Variants in N4BP2L2 observed in about 807,000 individuals in gnomAD.
The protein encoded by N4BP2L2 is NEDD4-binding protein 2-like 2.
Under a neutral mutation model 56.2 loss-of-function variants are expected in N4BP2L2, and 50 were observed. The observed-to-expected ratio is 0.89, with a 90% CI of 0.71 to 1.13. The LOEUF is 1.13. Ranked by LOEUF, N4BP2L2 falls within the 50% of genes most tolerant of loss-of-function variation. The pLI is 0.00. For missense variants in N4BP2L2, 689 were observed against 693.8 expected, an observed-to-expected ratio of 0.99 and a Z score of 0.08; for synonymous variants, 203 against 223.6, an observed-to-expected ratio of 0.91 and a Z score of 0.82.
exon 7 of N4BP2L2, chr13:32,443,835 G>T: frequency 6.3e-7 from 1 of 1,583,756 alleles, no homozygotes; most frequent in Non-Finnish European, 8.6e-7. Context: ...TTTGGAAACT[G>T]TCTTTAGGAT....
At chr13:32,525,414 TGTAACAGC>T (rs1485671926) in intron 3 of N4BP2L2, 1 of 152,226 alleles carries the variant, frequency 6.6e-6, no homozygotes, top group Non-Finnish European at 1.5e-5. Context: ...AACTATAAAT[TGTAACAGC>T]GTGAAAACTT....
At chr13:32,432,528 G>A (rs914536903) in exon 10 of N4BP2L2, 1 of 152,122 alleles carries the variant, frequency 6.6e-6, no homozygotes, top group Non-Finnish European at 1.5e-5. Context: ...CTTAAAAGTG[G>A]TTAAGATGGT....
At chr13:32,536,786 G>A (rs761044155) in exon 2 of N4BP2L2, 5 of 1,614,076 alleles carry the variant, frequency 3.1e-6, no homozygotes, top group South Asian at 1.1e-5. Flanking sequence ...ATCATGCAAA[G>A]GTCTATGCAA....
chr13:32,466,536 AAAAAAAAG>A (rs2081270612), intron 6 of N4BP2L2, among the ~76,000 whole-genome samples: 2 of 151,698 alleles, frequency 1.3e-5, no homozygotes, highest in Admixed American at 6.6e-5. Flanking sequence ...ACTCCATCTC[AAAAAAAAG>A]AAAAAAAGAA....
chr13:32,457,168 A>ATAAC (rs754779262), intron 6 of N4BP2L2, among the ~76,000 whole-genome samples: 1 of 152,144 alleles, frequency 6.6e-6, no homozygotes, highest in Admixed American at 6.5e-5. Flanking sequence ...AATCAAACCA[A>ATAAC]TAACTAACTA....
chr13:32,451,366 G>GA (rs374713087), intron 6 of N4BP2L2, among the ~76,000 whole-genome samples: 1 of 149,512 alleles, frequency 6.7e-6, no homozygotes, highest in Non-Finnish European at 1.5e-5. Context: ...GATTAAGGAA[G>GA]AAAAAAAAGG....
At position 32,443,288 on chromosome 13, in the gene N4BP2L2, G is replaced by GC; in HGVS notation, c.1203dup (p.Gln402AlafsTer31). On this transcript the variant is annotated frameshift_variant, in exon 7 of 10. Transcript: ENST00000357505. LOFTEE classifies it high-confidence loss of function. Reference sequence around the variant, plus strand: ...GAAGTGAAGATCATTTGAATCCATTGCCCCCTGCTGTCAGGACCAGCCAAC... The same window carrying GC: ...GAAGTGAAGATCATTTGAATCCATTGCCCCCCTGCTGTCAGGACCAGCCAAC... 2 of 1,613,866 alleles carry GC rather than the reference G, an allele frequency of 1.2e-6. No individual in the cohort carries two copies. Among genetic ancestry groups the GC allele is most frequent in the Non-Finnish European group, 1.7e-6 (2 of 1,179,876 alleles).
intron 6 of N4BP2L2, among the ~76,000 whole-genome samples, chr13:32,468,708 GT>G (rs2081714005): frequency 1.3e-5 from 2 of 152,326 alleles, no homozygotes; most frequent in South Asian, 4.1e-4. Context: ...TACATAACCT[GT>G]TTGTGTAAGC....
Position 32,535,994 on chromosome 13 carries a change from C to A in N4BP2L2, c.1034G>T (p.Ser345Ile). ...GCCATTTCCAGAGGGATGAACACTA[C>A]TCCTATTCTCACTACAGTCAGTATA... Residue 345 changes from serine to isoleucine, a missense_variant, in exon 2 of 6, where the codon AGT (serine) becomes ATT (isoleucine). Coordinates refer to ENST00000267068, the Ensembl canonical transcript of N4BP2L2. 3.1e-6 allele frequency: 5 copies of A among 1,613,958 alleles called. No individual in the cohort carries two copies. In the African/African-American group the frequency reaches 5.3e-5, roughly 17 times the overall value.
chr13:32,437,120 T>G (rs2075618992), intron 8 of N4BP2L2, among the ~76,000 whole-genome samples: 1 of 152,050 alleles, frequency 6.6e-6, no homozygotes, highest in African/African-American at 2.4e-5. Flanking sequence ...TGACCTCAAG[T>G]GATCCACCCA....
At chr13:32,509,471 C>T (rs537090045), downstream of N4BP2L2, 6 of 152,202 alleles carry the variant, frequency 3.9e-5, no homozygotes, top group Admixed American at 1.3e-4. Flanking sequence ...AGTTTGTTGA[C>T]TGTTTTAGGG....
chr13:32,456,261 A>G (rs1001679370), intron 6 of N4BP2L2, among the ~76,000 whole-genome samples: 1 of 152,036 alleles, frequency 6.6e-6, no homozygotes, highest in East Asian at 1.9e-4. Context: ...AACCACAAAC[A>G]CCACAGATGC....
At chr13:32,448,068 G>A (rs1273988624) in intron 6 of N4BP2L2, among the ~76,000 whole-genome samples, 1 of 152,182 alleles carries the variant, frequency 6.6e-6, no homozygotes, top group East Asian at 1.9e-4. Context: ...AAGTGCCAGA[G>A]ACATGTACCA....
rs181254735 is a variant in N4BP2L2, at chr13:32,535,373, T to C, written c.1259+396A>G. 2.0e-5 allele frequency among the ~76,000 whole-genome samples: 3 copies of C among 152,358 alleles called. No homozygotes were observed. The East Asian group carries it at 5.8e-4, about 29-fold the overall frequency. ...CTTTCATCACTGCCATAATTATACG[T>C]AGTGTTATCTATTTTTAAAGCCCTT... is the stretch of plus-strand genomic sequence containing the variant. On this transcript the variant is annotated intron_variant, in intron 2 of 5. Coordinates refer to ENST00000267068, the Ensembl canonical transcript of N4BP2L2.
intron 6 of N4BP2L2, chr13:32,504,672 T>C (rs1460822283): frequency 1.3e-5 from 2 of 152,100 alleles, no homozygotes; most frequent in Admixed American, 1.3e-4. Flanking sequence ...ATCCACTCCA[T>C]CCCAACAGCC....
intron 6 of N4BP2L2, among the ~76,000 whole-genome samples, chr13:32,476,107 A>G (rs78117185): frequency 0.045 from 6,886 of 152,242 alleles, 503 homozygotes; most frequent in African/African-American, 0.16. Context: ...ATATTTTCTA[A>G]ATGCACTGAT....
At chr13:32,500,546 C>CAAAAAAAAA (rs1169575568) in intron 6 of N4BP2L2, among the ~76,000 whole-genome samples, 1 of 52,200 alleles carries the variant, frequency 1.9e-5, no homozygotes, top group African/African-American at 5.0e-5. Flanking sequence ...CCTGTCTCTA[C>CAAAAAAAAA]AAAAAAAAAA....
chr13:32,462,581 G>A (rs1207107769), intron 6 of N4BP2L2, among the ~76,000 whole-genome samples: 7 of 151,950 alleles, frequency 4.6e-5, no homozygotes, highest in Admixed American at 6.6e-5. Flanking sequence ...TAAAAACAAC[G>A]TATTTATATT....
chr13:32,529,386 TTG>T (rs2053982655), intron 2 of N4BP2L2, among the ~76,000 whole-genome samples: 2 of 152,208 alleles, frequency 1.3e-5, no homozygotes, highest in Non-Finnish European at 2.9e-5. Flanking sequence ...ATGGGTTGGG[TTG>T]TGTGTTTGCT....
Sources: gnomAD v4.1 joint callset for allele counts (sites outside exome capture counted in the v4.1 genomes callset) on GRCh38, gnomAD v4.1.1 for gene constraint, MANE v1.5 for transcripts, NCBI Gene and HGNC (gene_info 2026-07-23, HGNC 2026-07-21) for gene names.